The following INSL6 variants were observed in gnomAD, a reference collection of about 807,000 sequenced individuals.
INSL6 encodes the protein insulin-like peptide INSL6.
INSL6 carries 16 observed loss-of-function variants against 9.4 expected under a neutral mutation model. That is an observed-to-expected ratio of 1.70 (90% confidence interval 1.15 to 2.59). INSL6 has a LOEUF of 2.59. Among genes scored for constraint, INSL6 ranks in the 30% most tolerant of loss-of-function variants. INSL6 has a pLI of 0.00. For synonymous variants in INSL6, 154 were observed against 96.9 expected, an observed-to-expected ratio of 1.59 and a Z score of -3.46; for missense variants, 391 against 257.3, an observed-to-expected ratio of 1.52 and a Z score of -3.56.
rs572780982 is a variant in INSL6, at chr9:5,179,847, G to C, written c.289+5467C>G. 2.0e-5 allele frequency among the ~76,000 whole-genome samples: 3 copies of C among 152,304 alleles called. No individual in the cohort carries two copies. The South Asian group carries it at 6.2e-4, about 32-fold the overall frequency. Reference sequence around the variant, plus strand: ...ACACACACTGGGGCCTGCCTGACAGGGGCCCTGGGGGAAGGGAAAGTATCA... The same window carrying C: ...ACACACACTGGGGCCTGCCTGACAGCGGCCCTGGGGGAAGGGAAAGTATCA... On this transcript the variant is annotated intron_variant, in intron 1 of 1. Transcript: ENST00000381641.
chr9:5,135,869 C>A (rs1435714288), intron 2 of INSL6, among the ~76,000 whole-genome samples: 1 of 151,620 alleles, frequency 6.6e-6, no homozygotes. Context: ...AAAATAGATA[C>A]ACGGCTAGCC....
At chr9:5,070,037 T>C in the INSL6 span, 2 of 1,604,786 alleles carry the variant, frequency 1.2e-6, no homozygotes, top group Non-Finnish European at 1.7e-6. Flanking sequence ...AAATCAGAAA[T>C]GAAGATTTGA....
the INSL6 span, chr9:5,040,977 T>C: frequency 1.7e-6 from 1 of 594,968 alleles, no homozygotes; most frequent in Admixed American, 2.2e-5. Context: ...AATATGTGGC[T>C]ATCAAATTGG....
At chr9:5,056,342 C>T in the INSL6 span, among the ~76,000 whole-genome samples, 1 of 151,902 alleles carries the variant, frequency 6.6e-6, no homozygotes, top group East Asian at 1.9e-4. Flanking sequence ...TTATTTTATA[C>T]TTTGCTCTTA....
chr9:5,154,611 TCAAA>T (rs1225718460), intron 2 of INSL6, among the ~76,000 whole-genome samples: 1 of 152,114 alleles, frequency 6.6e-6, no homozygotes, highest in Non-Finnish European at 1.5e-5. Context: ...TACGATGAAC[TCAAA>T]CAAATTTACA....
chr9:5,047,736 C>A, the INSL6 span, among the ~76,000 whole-genome samples: 3 of 152,114 alleles, frequency 2.0e-5, no homozygotes, highest in Non-Finnish European at 2.9e-5. Flanking sequence ...TAGCTAGGTA[C>A]AGGTGTGTGC....
At chr9:5,059,122 G>C in the INSL6 span, among the ~76,000 whole-genome samples, 1 of 152,068 alleles carries the variant, frequency 6.6e-6, no homozygotes, top group African/African-American at 2.4e-5. Context: ...TACGTGTATA[G>C]CTCAATGAAT....
the INSL6 span, chr9:5,110,129 A>C: frequency 6.6e-6 from 1 of 152,232 alleles, no homozygotes; most frequent in East Asian, 1.9e-4. Flanking sequence ...CAGCAGCAGG[A>C]AAGTCAGCTA....
At chr9:5,048,203 G>A in the INSL6 span, among the ~76,000 whole-genome samples, 2 of 151,712 alleles carry the variant, frequency 1.3e-5, no homozygotes, top group Non-Finnish European at 2.9e-5. Flanking sequence ...GTGCAATGGC[G>A]TGATCTCGGC....
intron 3 of INSL6, among the ~76,000 whole-genome samples, chr9:5,129,343 G>C (rs1824197762): frequency 6.6e-6 from 1 of 152,040 alleles, no homozygotes; most frequent in Non-Finnish European, 1.5e-5. Context: ...CACACACCTT[G>C]GTTTAGGGAT....
the INSL6 span, among the ~76,000 whole-genome samples, chr9:5,055,241 A>G: frequency 6.6e-6 from 1 of 152,092 alleles, no homozygotes; most frequent in Admixed American, 6.5e-5. Flanking sequence ...TGATTTTATG[A>G]TAATATATAC....
the INSL6 span, among the ~76,000 whole-genome samples, chr9:5,027,087 C>T: frequency 2.6e-5 from 4 of 152,234 alleles, no homozygotes; most frequent in African/African-American, 9.6e-5. Flanking sequence ...ACCTCCAGTT[C>T]AGGGAAACTT....
At chr9:5,075,737 T>G in the INSL6 span, among the ~76,000 whole-genome samples, 2 of 152,212 alleles carry the variant, frequency 1.3e-5, no homozygotes, top group Non-Finnish European at 2.9e-5. Flanking sequence ...ATCCATTCTG[T>G]AGCCCATGGA....
chr9:5,029,623 A>G, the INSL6 span, among the ~76,000 whole-genome samples: 50 of 152,336 alleles, frequency 3.3e-4, no homozygotes, highest in Middle Eastern at 3.4e-3. Flanking sequence ...GTGATTAATA[A>G]TTCAGTTGTA....
intron 1 of INSL6, among the ~76,000 whole-genome samples, chr9:5,184,888 G>A (rs983213802): frequency 2.6e-5 from 4 of 152,106 alleles, no homozygotes; most frequent in Non-Finnish European, 4.4e-5. Flanking sequence ...CTTCTACAAG[G>A]TTGGGCTGAT....
chr9:5,044,289 T>C, the INSL6 span: 1 of 685,428 alleles, frequency 1.5e-6, no homozygotes, highest in East Asian at 2.7e-5. Context: ...CTGTTAGCTG[T>C]GTTTTCTAAG....
chr9:5,005,391 T>C, the INSL6 span, among the ~76,000 whole-genome samples: 4 of 152,130 alleles, frequency 2.6e-5, no homozygotes, highest in East Asian at 7.7e-4. Context: ...TTGAAAATAT[T>C]TTCTCCTGTT....
At chr9:5,117,330 T>C in the INSL6 span, among the ~76,000 whole-genome samples, 1 of 152,230 alleles carries the variant, frequency 6.6e-6, no homozygotes, top group African/African-American at 2.4e-5. Flanking sequence ...AGGTGGGAAA[T>C]TAGAGGCTTT....
At chr9:5,119,441 G>A (rs1043311299), downstream of INSL6, among the ~76,000 whole-genome samples, 1 of 151,768 alleles carries the variant, frequency 6.6e-6, no homozygotes. Context: ...AAAAAAAAAG[G>A]CTTCAAATTA....
Sources: gnomAD v4.1 joint callset for allele counts (sites outside exome capture counted in the v4.1 genomes callset) on GRCh38, gnomAD v4.1.1 for gene constraint, MANE v1.5 for transcripts, NCBI Gene and HGNC (gene_info 2026-07-23, HGNC 2026-07-21) for gene names.